Variants in MAPT observed in about 807,000 individuals in gnomAD.
The protein encoded by MAPT is microtubule associated protein tau.
A neutral mutation model predicts 67.9 loss-of-function variants in MAPT; 34 were observed. The observed-to-expected ratio is 0.50, with a 90% CI of 0.38 to 0.67. The LOEUF is 0.67. Among genes scored for constraint, MAPT ranks in the 30% least tolerant of loss-of-function variants. The pLI is 0.00. For missense variants in MAPT, 881 were observed against 1,115.2 expected (o/e 0.79, Z 2.99); for synonymous variants, 456 against 464.5 (o/e 0.98, Z 0.23).
At chr17:46,017,240 T>C (rs1336188833) in intron 11 of MAPT, among the ~76,000 whole-genome samples, 1 of 152,174 alleles carries the variant, frequency 6.6e-6, no homozygotes, top group Non-Finnish European at 1.5e-5. Flanking sequence ...GTCCCATGCT[T>C]GGGCATGGTG....
At chr17:45,989,693 ACGG>A (rs2073906544) in intron 6 of MAPT, among the ~76,000 whole-genome samples, 182 bp from the exon 7 acceptor site, 1 of 152,098 alleles carries the variant, frequency 6.6e-6, no homozygotes, top group Non-Finnish European at 1.5e-5. Context: ...ATTGGGGAGG[ACGG>A]TCACTTTCCT....
At chr17:46,002,684 G>T (rs529906181) in intron 9 of MAPT, among the ~76,000 whole-genome samples, 2 of 152,262 alleles carry the variant, frequency 1.3e-5, no homozygotes, top group Non-Finnish European at 2.9e-5. Flanking sequence ...GGGGCGGGGG[G>T]TGCAATATTC....
intron 9 of MAPT, among the ~76,000 whole-genome samples, chr17:46,003,115 TG>T (rs975002864): frequency 4.3e-4 from 65 of 150,800 alleles, no homozygotes; most frequent in African/African-American, 1.5e-3. Context: ...TGTGTGTGTG[TG>T]TGTGTGGGCG....
intron 1 of MAPT, among the ~76,000 whole-genome samples, chr17:45,909,233 G>C (rs1024215758): frequency 2.0e-5 from 3 of 151,834 alleles, no homozygotes; most frequent in Non-Finnish European, 4.4e-5. Context: ...TGTGCCCTGG[G>C]CTGCCCAATG....
At chr17:45,959,272 C>T (rs1568235166) in intron 1 of MAPT, among the ~76,000 whole-genome samples, 1 of 152,138 alleles carries the variant, frequency 6.6e-6, no homozygotes, top group African/African-American at 2.4e-5. Context: ...ACCAATGAAT[C>T]CTCATTAACA....
chr17:45,972,447 G>A (rs1325460098), intron 3 of MAPT, among the ~76,000 whole-genome samples: 8 of 152,178 alleles, frequency 5.3e-5, no homozygotes, highest in African/African-American at 2.4e-5. Flanking sequence ...TCGGCATCTA[G>A]GTTATTAGCA....
At chr17:46,000,008 G>T (rs1300891721) in intron 9 of MAPT, among the ~76,000 whole-genome samples, 2 of 152,242 alleles carry the variant, frequency 1.3e-5, no homozygotes, top group African/African-American at 2.4e-5. Flanking sequence ...GGACTGGCCT[G>T]AAGGCTCCAC....
chr17:45,957,454 A>C (rs967411727), intron 1 of MAPT, among the ~76,000 whole-genome samples: 4 of 152,230 alleles, frequency 2.6e-5, no homozygotes, highest in African/African-American at 4.8e-5. Flanking sequence ...CTGTCTGATC[A>C]AAAGAGGCTT....
At chr17:46,012,168 G>A (rs1423706115) in intron 10 of MAPT, among the ~76,000 whole-genome samples, 1 of 152,182 alleles carries the variant, frequency 6.6e-6, no homozygotes, top group African/African-American at 2.4e-5. Context: ...GTCAAGTCTG[G>A]TGCCCTGGTG....
At chr17:45,975,315 C>T (rs529195652) in intron 3 of MAPT, 1 of 152,352 alleles carries the variant, frequency 6.6e-6, no homozygotes, top group East Asian at 1.9e-4. Context: ...AAAAGAGTTT[C>T]CTTTCCCTCC....
intron 1 of MAPT, among the ~76,000 whole-genome samples, chr17:45,940,550 C>T (rs1314418933): frequency 1.3e-5 from 2 of 152,198 alleles, no homozygotes; most frequent in East Asian, 1.9e-4. Context: ...TTCTGATACT[C>T]GAGTCTGTGG....
intron 9 of MAPT, among the ~76,000 whole-genome samples, chr17:46,000,314 GT>G (rs770318508): frequency 2.6e-5 from 4 of 152,178 alleles, no homozygotes; most frequent in Non-Finnish European, 5.9e-5. Flanking sequence ...GCTTTTCTCT[GT>G]TTTCAGGATT....
intron 11 of MAPT, among the ~76,000 whole-genome samples, chr17:46,016,589 G>A (rs2076196835): frequency 6.6e-6 from 1 of 151,848 alleles, no homozygotes; most frequent in South Asian, 2.1e-4. Flanking sequence ...GGCTAACACA[G>A]TGAAACCCTG....
chr17:45,996,584 G>T lies in MAPT; in HGVS notation c.1918G>T (p.Val640Leu). ...SAKSRLQTAP[V>L]PMPDLKNVKS... ...CAAGAGCCGCCTGCAGACAGCCCCCGTGCCCATGCCAGACCTGAAGAATGT... is the reference window on the plus strand; with the variant it reads ...CAAGAGCCGCCTGCAGACAGCCCCCTTGCCCATGCCAGACCTGAAGAATGT... The change falls in exon 9 of 13, where the codon GTG becomes TTG. Residue 640 changes from valine to leucine, a missense_variant. Physicochemically the swap from Val to Leu is conservative, Grantham distance 32 (BLOSUM62 1). Transcript: ENST00000262410. The surrounding 1 kb of genome is among the most constrained non-coding windows in gnomAD (Gnocchi z 4.5). The T allele has an allele frequency of 6.2e-7, 1 of 1,610,812 alleles. No individual in the cohort carries two copies. The highest frequency in any genetic ancestry group is 1.1e-5 in the South Asian group (1 of 90,962).
intron 9 of MAPT, among the ~76,000 whole-genome samples, chr17:46,000,437 G>T (rs1052612514): frequency 4.6e-5 from 7 of 152,170 alleles, no homozygotes; most frequent in East Asian, 3.9e-4. Context: ...GGTAGAGATT[G>T]CAGGCAAGGA....
chr17:45,931,733 G>A (rs1040809180), intron 1 of MAPT: 2 of 152,124 alleles, frequency 1.3e-5, no homozygotes, highest in African/African-American at 4.8e-5. Flanking sequence ...TATTTACCAA[G>A]CAAAAATATT....
chr17:45,928,995 G>A (rs765495737), intron 1 of MAPT, among the ~76,000 whole-genome samples: 13 of 152,070 alleles, frequency 8.5e-5, no homozygotes, highest in African/African-American at 2.2e-4. Flanking sequence ...CACTGCACCC[G>A]GCCATCAGTG....
At chr17:45,919,292 C>T (rs922331561) in intron 1 of MAPT, among the ~76,000 whole-genome samples, 8 of 152,000 alleles carry the variant, frequency 5.3e-5, no homozygotes, top group African/African-American at 1.4e-4. Context: ...CTCCTGGGAC[C>T]GATTGTGTTC....
In MAPT at chr17:46,024,243, A is replaced by G; in HGVS notation, c.*72A>G. On this transcript the variant is annotated 3_prime_UTR_variant, in exon 13 of 13. Transcript: ENST00000262410. ...GAGTGTGGAAAAAAAAAGAATAATG[A>G]CCCGGCCCCCGCCCTCTGCCCCCAG... The G allele has an allele frequency of 2.2e-6, 3 of 1,358,646 alleles. No homozygotes were observed. The highest frequency in any genetic ancestry group is 2.4e-5 in the East Asian group (1 of 42,234). The allele number at this position is 1,358,646 out of a possible 1,614,324, so 84.2% of individuals were successfully genotyped here.
Sources: allele counts gnomAD v4.1 joint callset (sites outside exome capture counted in the v4.1 genomes callset), GRCh38; gene constraint gnomAD v4.1.1; non-coding constraint Gnocchi (gnomAD v3.1); transcripts MANE v1.5; gene names NCBI Gene and HGNC (gene_info 2026-07-23, HGNC 2026-07-21).